Variants in TFB2M observed in about 807,000 individuals in gnomAD.
TFB2M encodes the protein dimethyladenosine transferase 2, mitochondrial.
Under a neutral mutation model 41.3 loss-of-function variants are expected in TFB2M, and 44 were observed. That is an observed-to-expected ratio of 1.07 (90% CI 0.84 to 1.37). TFB2M has a LOEUF of 1.37. TFB2M is among the 40% of genes most tolerant of loss of function. The probability of loss-of-function intolerance (pLI) is 0.00; values close to 1 mark genes in which losing one functional copy is unlikely to be tolerated. For synonymous variants in TFB2M, 188 were observed against 176.8 expected (o/e 1.06, Z -0.50); for missense variants, 496 against 490.2 (o/e 1.01, Z -0.11).
intron 4 of TFB2M, among the ~76,000 whole-genome samples, chr1:246,554,490 T>C (rs1392990638): frequency 3.0e-5 from 4 of 134,916 alleles, no homozygotes; most frequent in Non-Finnish European, 6.3e-5. Context: ...CAATCCCTAT[T>C]GCGCATGCGA....
At position 246,564,364 on chromosome 1, in the gene TFB2M, AG is replaced by A. The variant is rs1659534236; in HGVS notation, c.383del (p.Thr128IlefsTer9). 3.7e-6 allele frequency: 6 copies of A among 1,614,174 alleles called. No homozygotes were observed. Among genetic ancestry groups the A allele is most frequent in the Non-Finnish European group, 4.2e-6 (5 of 1,179,990 alleles). ...AKVVALESDK[T>X]FIPHLESLGK... Reference sequence around the variant, plus strand: ...AATATACCTCCAAATGTGGAATAAAAGTTTTGTCACTTTCGAGCGCAACCAC... The same window carrying A: ...AATATACCTCCAAATGTGGAATAAAATTTTGTCACTTTCGAGCGCAACCAC... On this transcript the variant is annotated frameshift_variant, in exon 2 of 8. Coordinates refer to ENST00000366514, the MANE Select transcript of TFB2M (RefSeq NM_022366.3). LOFTEE classifies it high-confidence loss of function.
rs190906890 is a variant in TFB2M, at chr1:246,557,044, C to T, written c.557-323G>A. Among the ~76,000 whole-genome samples, 165 of 152,100 alleles carry T rather than the reference C, an allele frequency of 1.1e-3. 2 individuals carry two copies. The highest frequency in any genetic ancestry group is 3.1e-3 in the African/African-American group (129 of 41,498). On this transcript the variant is annotated intron_variant, in intron 3 of 7. Transcript: ENST00000366514. ...ATCCCAGCACTTTGGGAGGTCGAAG[C>T]GGGCAGATCACTTGAGGGCTGGAGT...
At chr1:246,553,043 A>G (rs1009105428) in intron 4 of TFB2M, among the ~76,000 whole-genome samples, 1 of 152,072 alleles carries the variant, frequency 6.6e-6, no homozygotes, top group Admixed American at 6.6e-5. Context: ...AACATGGTGA[A>G]ACCCCATCTG....
chr1:246,543,893 G>A (rs983321579), intron 7 of TFB2M, among the ~76,000 whole-genome samples: 1 of 152,070 alleles, frequency 6.6e-6, no homozygotes, highest in African/African-American at 2.4e-5. Flanking sequence ...AGGAGGCTGA[G>A]GTGGGAGGAT....
chr1:246,559,846 G>A (rs1240083517), intron 2 of TFB2M, among the ~76,000 whole-genome samples: 1 of 152,152 alleles, frequency 6.6e-6, no homozygotes, highest in Non-Finnish European at 1.5e-5. Context: ...TAGCCCTGAA[G>A]GTAGAGTATG....
intron 6 of TFB2M, among the ~76,000 whole-genome samples, chr1:246,544,963 G>A (rs914572270): frequency 5.9e-5 from 9 of 152,054 alleles, no homozygotes; most frequent in African/African-American, 1.4e-4. Flanking sequence ...CCACCACCAC[G>A]CCTGGCTAAT....
chr1:246,555,419 C>A (rs533944264), intron 4 of TFB2M, among the ~76,000 whole-genome samples: 1 of 152,036 alleles, frequency 6.6e-6, no homozygotes, highest in South Asian at 2.1e-4. Flanking sequence ...AAGACCCTAT[C>A]GCTACAAAAA....
intron 6 of TFB2M, among the ~76,000 whole-genome samples, chr1:246,545,117 A>G (rs1216066781): frequency 6.6e-6 from 1 of 152,030 alleles, no homozygotes; most frequent in African/African-American, 2.4e-5. Context: ...ACATTTTCTT[A>G]TTGTGTACAC....
chr1:246,551,402 T>A, intron 4 of TFB2M, 100 bp from the exon 5 acceptor site: 1 of 823,638 alleles, frequency 1.2e-6, no homozygotes, highest in Non-Finnish European at 2.0e-6. Flanking sequence ...CATCTAGACA[T>A]TTAAGAAAAG....
chr1:246,545,067 A>G (rs1264397833), intron 6 of TFB2M, among the ~76,000 whole-genome samples: 2 of 151,628 alleles, frequency 1.3e-5, no homozygotes, highest in Non-Finnish European at 2.9e-5. Context: ...GGCCTCCCCA[A>G]AGTGCTGGGA....
chr1:246,542,693 G>T (rs931100470), intron 7 of TFB2M, among the ~76,000 whole-genome samples: 5 of 152,088 alleles, frequency 3.3e-5, no homozygotes, highest in African/African-American at 1.2e-4. Flanking sequence ...AATACTTTTT[G>T]ATATTGAATA....
intron 2 of TFB2M, among the ~76,000 whole-genome samples, chr1:246,558,551 A>C (rs1659381406): frequency 6.6e-6 from 1 of 152,206 alleles, no homozygotes; most frequent in Non-Finnish European, 1.5e-5. Flanking sequence ...AAAGATTCTG[A>C]CACCATGGTT....
At chr1:246,543,685 G>A (rs533651827) in intron 7 of TFB2M, among the ~76,000 whole-genome samples, 1 of 152,196 alleles carries the variant, frequency 6.6e-6, no homozygotes, top group African/African-American at 2.4e-5. Flanking sequence ...TGTAACCCCA[G>A]CACTTTGGGA....
intron 4 of TFB2M, among the ~76,000 whole-genome samples, chr1:246,551,533 G>C (rs1659182662): frequency 6.6e-6 from 1 of 152,194 alleles, no homozygotes; most frequent in African/African-American, 2.4e-5. Flanking sequence ...CGTGTGAGAT[G>C]ATCGTGCCTG....
chr1:246,563,519 G>A (rs1180239112), intron 2 of TFB2M, among the ~76,000 whole-genome samples: 1 of 151,730 alleles, frequency 6.6e-6, no homozygotes, highest in Non-Finnish European at 1.5e-5. Flanking sequence ...CAGGAGAATC[G>A]CTTAAACTTG....
chr1:246,561,864 G>A (rs1288920112), intron 2 of TFB2M, among the ~76,000 whole-genome samples: 3 of 151,712 alleles, frequency 2.0e-5, no homozygotes, highest in Admixed American at 6.6e-5. Flanking sequence ...ATTACTTTGT[G>A]AATATGTAGA....
rs377086302 is a variant in TFB2M, at chr1:246,556,911, C to T, written c.557-190G>A. Among the ~76,000 whole-genome samples, 10 of 152,146 alleles carry T rather than the reference C, an allele frequency of 6.6e-5. 1 individual carries two copies. In the South Asian group the frequency reaches 2.1e-3, roughly 32 times the overall value. Reference sequence around the variant, plus strand: ...GGGAAATAAACTGGGTACCTGTGTCCAGGTGAGGTAAATGCCATATTCAGA... The same window carrying T: ...GGGAAATAAACTGGGTACCTGTGTCTAGGTGAGGTAAATGCCATATTCAGA... On this transcript the variant is annotated intron_variant, in intron 3 of 7. Coordinates refer to ENST00000366514, the MANE Select transcript of TFB2M (RefSeq NM_022366.3).
rs1191913962 is a variant in TFB2M, at chr1:246,546,962, T to TACACACACACACACACACACAC, written c.858+1582_858+1583insGTGTGTGTGTGTGTGTGTGTGT. Among the ~76,000 whole-genome samples, 180 of 74,000 alleles carry TACACACACACACACACACACAC rather than the reference T, an allele frequency of 2.4e-3. 3 individuals carry two copies. The highest frequency in any genetic ancestry group is 5.5e-3 in the African/African-American group (164 of 29,558). 48.5% of individuals were successfully genotyped at this position (74,000 alleles called of 152,430 possible). On this transcript the variant is annotated intron_variant, in intron 6 of 7. Transcript: ENST00000366514. The stretch of plus-strand genomic sequence containing the variant: ...TCATCCCTAAAAGTTTATATATGTA[T>TACACACACACACACACACACAC]ATATACACACACACACACACATTTT...
chr1:246,552,728 TAAAAA>T (rs922077328), intron 4 of TFB2M, among the ~76,000 whole-genome samples: 8 of 151,496 alleles, frequency 5.3e-5, no homozygotes, highest in African/African-American at 1.9e-4. Flanking sequence ...GTTTTAAAGT[TAAAAA>T]AAATAATTAT....
Sources: gnomAD v4.1 joint callset for allele counts (sites outside exome capture counted in the v4.1 genomes callset) on GRCh38, gnomAD v4.1.1 for gene constraint, MANE v1.5 for transcripts, NCBI Gene and HGNC (gene_info 2026-07-23, HGNC 2026-07-21) for gene names.